Variants in ANTXRL observed in about 807,000 individuals in gnomAD.
ANTXRL encodes ANTXR like, also known as anthrax toxin receptor-like.
Under a neutral mutation model 75.4 loss-of-function variants are expected in ANTXRL, and 63 were observed. The ratio of observed to expected loss-of-function variants is 0.84; its 90% CI spans 0.68 to 1.03. The LOEUF is 1.03. Among genes scored for constraint, ANTXRL ranks in the 50% least tolerant of loss-of-function variants. ANTXRL has a pLI of 0.00. For missense variants in ANTXRL, 797 were observed against 789.4 expected, an observed-to-expected ratio of 1.01 and a Z score of -0.12; for synonymous variants, 335 against 291.3, an observed-to-expected ratio of 1.15 and a Z score of -1.53.
intron 1 of ANTXRL, among the ~76,000 whole-genome samples, chr10:46,289,060 G>A (rs1836876875): frequency 1.3e-5 from 2 of 152,128 alleles, no homozygotes; most frequent in African/African-American, 2.4e-5. Flanking sequence ...CAAAGACCAC[G>A]CAGCTGGGCG....
intron 10 of ANTXRL, among the ~76,000 whole-genome samples, chr10:46,304,349 T>G (rs1387979626): frequency 6.6e-6 from 1 of 152,102 alleles, no homozygotes; most frequent in Admixed American, 6.6e-5. Context: ...CATAGTAATG[T>G]GCATAATCAG....
chr10:46,303,060 A>C (rs1393808572), intron 10 of ANTXRL, among the ~76,000 whole-genome samples: 8 of 152,040 alleles, frequency 5.3e-5, no homozygotes, highest in East Asian at 1.9e-4. Context: ...AGGGCTTCCC[A>C]CTCAGTGAGG....
intron 2 of ANTXRL, among the ~76,000 whole-genome samples, chr10:46,293,359 CATGT>C (rs1565015101): frequency 3.3e-5 from 4 of 120,468 alleles, no homozygotes; most frequent in African/African-American, 1.3e-4. Context: ...CATGTGTGTG[CATGT>C]GAGTGTGCCT....
chr10:46,296,266 G>A lies in ANTXRL; in HGVS notation c.508+14G>A, dbSNP rs540748190. 2.8e-5 allele frequency: 43 copies of A among 1,535,660 alleles called. No homozygotes were observed. Among genetic ancestry groups the A allele is most frequent in the Admixed American group, 5.9e-5 (3 of 50,990 alleles). ...TCAACTCCGGAAGTAAGCACCTGCC[G>A]TCCCCCTGGTGGTCCTGTAGGGGGA... is the stretch of plus-strand genomic sequence containing the variant. On this transcript the variant is annotated intron_variant, in intron 5 of 16. Transcript: ENST00000620264.
chr10:46,312,864 C>G (rs1838507489), intron 15 of ANTXRL, among the ~76,000 whole-genome samples: 2 of 151,692 alleles, frequency 1.3e-5, no homozygotes, highest in South Asian at 2.1e-4. Flanking sequence ...CCTTGTGTGC[C>G]CCAGCAGCAA....
intron 3 of ANTXRL, 172 bp downstream of exon 3, chr10:46,294,072 C>A: frequency 1.6e-6 from 1 of 608,800 alleles, no homozygotes; most frequent in Non-Finnish European, 2.8e-6. Context: ...CCCCTGCATC[C>A]TCCTACCCAT....
At chr10:46,326,197 T>C (rs1177846433) in intron 16 of ANTXRL, among the ~76,000 whole-genome samples, 1 of 151,010 alleles carries the variant, frequency 6.6e-6, no homozygotes, top group Non-Finnish European at 1.5e-5. Flanking sequence ...TAGCTGTGAG[T>C]AGAGATGGAT....
chr10:46,310,136 G>A (rs1212115503), intron 13 of ANTXRL, among the ~76,000 whole-genome samples: 3 of 152,224 alleles, frequency 2.0e-5, no homozygotes, highest in East Asian at 3.9e-4. Flanking sequence ...GAAGTGGGGC[G>A]AACGCTGTCT....
intron 10 of ANTXRL, among the ~76,000 whole-genome samples, chr10:46,303,574 G>C (rs1837888137): frequency 1.3e-5 from 2 of 152,206 alleles, no homozygotes; most frequent in Admixed American, 1.3e-4. Context: ...CTCAAGAAAT[G>C]TCAGATTTTG....
At position 46,293,848 on chromosome 10, in the gene ANTXRL, TTCA is replaced by T; in HGVS notation, c.344_346del (p.Ile115del). The T allele has an allele frequency of 6.5e-7, 1 of 1,535,678 alleles. No homozygotes were observed. The highest frequency in any genetic ancestry group is 8.7e-7 in the Non-Finnish European group (1 of 1,146,622). On this transcript the variant is annotated inframe_deletion, in exon 3 of 17. Transcript: ENST00000620264. ...TCACAGCCCAAATATTCGGATGTGCTTCATCACCTACTCCACAGACGGCCAGAC... is the reference window on the plus strand; with the variant it reads ...TCACAGCCCAAATATTCGGATGTGCTTCACCTACTCCACAGACGGCCAGAC...
chr10:46,302,831 T>G lies in ANTXRL; in HGVS notation c.895+11T>G. The G allele has an allele frequency of 1.3e-6, 2 of 1,515,316 alleles. No individual in the cohort carries two copies. The highest frequency in any genetic ancestry group is 2.4e-5 in the South Asian group (2 of 83,618). 93.9% of individuals were successfully genotyped at this position (1,515,316 alleles called of 1,614,324 possible). A position where few individuals can be genotyped will look rare whatever the true frequency, so the allele number is the denominator to read the frequency against. On this transcript the variant is annotated intron_variant, in intron 10 of 16. Coordinates refer to ENST00000620264, the MANE Select transcript of ANTXRL (RefSeq NM_001278688.3). Reference sequence around the variant, plus strand: ...AAAGCACTATCATTGGTAAGTTGTCTCCTCTGTGCCTCTGAGTCACGTATT... The same window carrying G: ...AAAGCACTATCATTGGTAAGTTGTCGCCTCTGTGCCTCTGAGTCACGTATT...
rs1837355626 is a variant in ANTXRL, at chr10:46,296,011, T to A, written c.393-8T>A. 3.3e-6 allele frequency: 5 copies of A among 1,535,268 alleles called. No individual in the cohort carries two copies. Among genetic ancestry groups the A allele is most frequent in the East Asian group, 2.4e-5 (1 of 40,932 alleles). On this transcript the variant is annotated splice_region_variant and splice_polypyrimidine_tract_variant and intron_variant, in intron 3 of 16. Coordinates refer to ENST00000620264, the MANE Select transcript of ANTXRL (RefSeq NM_001278688.3). The stretch of plus-strand genomic sequence containing the variant: ...TCCAGGTCAACCACCTTTTTAAATT[T>A]TTTTCAGGAATAGAATAAAAAACGG...
intron 5 of ANTXRL, 141 bp from the exon 6 acceptor site, chr10:46,297,111 T>C: frequency 4.3e-6 from 3 of 696,788 alleles, no homozygotes; most frequent in Non-Finnish European, 7.2e-6. Flanking sequence ...CAGCCTCTCC[T>C]CTGGAGGATG....
At chr10:46,295,389 A>G (rs1837303927) in intron 3 of ANTXRL, among the ~76,000 whole-genome samples, 1 of 152,022 alleles carries the variant, frequency 6.6e-6, no homozygotes, top group South Asian at 2.1e-4. Flanking sequence ...AGTTAGAGTT[A>G]GGAATGTCAA....
chr10:46,309,227 T>C (rs781926035), intron 13 of ANTXRL, 25 bp downstream of exon 13: 60 of 1,535,446 alleles, frequency 3.9e-5, no homozygotes, highest in East Asian at 3.4e-4. Flanking sequence ...CCCGCCCAGC[T>C]CTGGGGCCCA....
At chr10:46,315,124 A>T (rs186026000) in intron 16 of ANTXRL, among the ~76,000 whole-genome samples, 66 of 152,298 alleles carry the variant, frequency 4.3e-4, no homozygotes, top group Middle Eastern at 3.4e-3. Context: ...AAGAGGATGC[A>T]TCCCCTTAAG....
intron 10 of ANTXRL, among the ~76,000 whole-genome samples, chr10:46,305,331 G>C (rs1361395212): frequency 2.0e-5 from 3 of 152,144 alleles, no homozygotes; most frequent in African/African-American, 4.8e-5. Context: ...CAAACAGAGA[G>C]AGTGTCTCTA....
At position 46,287,413 on chromosome 10, in the gene ANTXRL, C is replaced by T. The variant is rs1222438307; in HGVS notation, c.151C>T (p.His51Tyr). ...CCTGGCCCTGGGCTCCAGGAGAGCCCACCACCACCATGGCCCAGGATGGAG... is the reference window on the plus strand; with the variant it reads ...CCTGGCCCTGGGCTCCAGGAGAGCCTACCACCACCATGGCCCAGGATGGAG... Reference protein sequence around the residue: ...HRLALGSRRAHHHHGPGWRQH... With the variant: ...HRLALGSRRAYHHHGPGWRQH... Residue 51 changes from histidine to tyrosine, a missense_variant, in exon 1 of 17, where the codon CAC becomes TAC. Coordinates refer to ENST00000620264, the MANE Select transcript of ANTXRL (RefSeq NM_001278688.3). 21 of 1,535,748 alleles carry T rather than the reference C, an allele frequency of 1.4e-5. No homozygotes were observed. Among genetic ancestry groups the T allele is most frequent in the Admixed American group, 2.0e-5 (1 of 50,962 alleles).
rs1837438949 is a variant in ANTXRL at position 46,297,307 on chromosome 10, AT to A, written c.567del (p.Gln190ArgfsTer30). On this transcript the variant is annotated frameshift_variant, in exon 6 of 17. Coordinates refer to ENST00000620264, the MANE Select transcript of ANTXRL (RefSeq NM_001278688.3). LOFTEE classifies it high-confidence loss of function. Reference sequence around the variant, plus strand: ...CTGATGGAGAACTGGTGGCACATGCATTTCAGGACACTCTCAGAGAAGTGAG... The same window carrying A: ...CTGATGGAGAACTGGTGGCACATGCATTCAGGACACTCTCAGAGAAGTGAG... Reference protein sequence around the residue: ...MTDGELVAHAFQDTLREAQKA... With the variant: ...MTDGELVAHAXQDTLREAQKA... 1.5e-5 allele frequency: 23 copies of A among 1,536,508 alleles called. No individual in the cohort carries two copies. Among genetic ancestry groups the A allele is most frequent in the Non-Finnish European group, 2.0e-5 (23 of 1,146,858 alleles).
Sources: gnomAD v4.1 joint callset for allele counts (sites outside exome capture counted in the v4.1 genomes callset) on GRCh38, gnomAD v4.1.1 for gene constraint, MANE v1.5 for transcripts, NCBI Gene and HGNC (gene_info 2026-07-23, HGNC 2026-07-21) for gene names.